Variants in ARID4B observed in about 807,000 individuals in gnomAD.
ARID4B encodes AT-rich interaction domain 4B, also known as AT-rich interactive domain-containing protein 4B.
Under a neutral mutation model 147.5 loss-of-function variants are expected in ARID4B, and 26 were observed. The ratio of observed to expected loss-of-function variants is 0.18; its 90% CI spans 0.13 to 0.24. ARID4B has a LOEUF of 0.24. Among genes scored for constraint, ARID4B ranks in the 10% least tolerant of loss-of-function variants. ARID4B has a pLI of 1.00. For missense variants in ARID4B, 1,179 were observed against 1,511.5 expected (o/e 0.78, Z 3.65); for synonymous variants, 512 against 507.9 (o/e 1.01, Z -0.11).
intron 2 of ARID4B, among the ~76,000 whole-genome samples, chr1:235,308,745 G>A (rs1351923698): frequency 1.4e-4 from 21 of 152,182 alleles, no homozygotes; most frequent in Non-Finnish European, 8.8e-5. Context: ...CCGAGGTGCC[G>A]GGATTGCAGA....
rs571952875 is a variant in ARID4B, at chr1:235,274,467, A to G, written c.7-13715T>C. 2.6e-5 allele frequency among the ~76,000 whole-genome samples: 4 copies of G among 152,316 alleles called. No individual in the cohort carries two copies. The East Asian group carries it at 7.7e-4, about 29-fold the overall frequency. On this transcript the variant is annotated intron_variant, in intron 2 of 23. Transcript: ENST00000264183. ...TAGTTCTCTGCTATCCAGATGTACA[A>G]ATGACCCAGAAAATGTTTATATTAA...
chr1:235,211,862 A>C (rs567949915), intron 17 of ARID4B, among the ~76,000 whole-genome samples: 1 of 152,344 alleles, frequency 6.6e-6, no homozygotes, highest in South Asian at 2.1e-4. Context: ...GAAGTAAAAA[A>C]TTGGGCAAAA....
chr1:235,311,673 C>G (rs1225541334), intron 2 of ARID4B, among the ~76,000 whole-genome samples: 1 of 151,756 alleles, frequency 6.6e-6, no homozygotes, highest in African/African-American at 2.4e-5. Context: ...ACTTGGGAGG[C>G]AGAAACATGA....
intron 12 of ARID4B, 138 bp from the exon 13 acceptor site, chr1:235,223,398 T>TATACACACAC (rs1667623618): frequency 2.6e-5 from 5 of 191,400 alleles, no homozygotes; most frequent in African/African-American, 8.7e-5. Context: ...TATATATATG[T>TATACACACAC]GTGTGTATAT....
chr1:235,170,380 T>G (rs1295765210), intron 23 of ARID4B, among the ~76,000 whole-genome samples: 2 of 152,222 alleles, frequency 1.3e-5, no homozygotes, highest in Non-Finnish European at 2.9e-5. Flanking sequence ...ACAGGAATTT[T>G]ATCTCTAGAA....
intron 7 of ARID4B, among the ~76,000 whole-genome samples, chr1:235,243,956 A>G (rs1299337534): frequency 6.6e-6 from 1 of 152,196 alleles, no homozygotes; most frequent in African/African-American, 2.4e-5. Flanking sequence ...GGAATTAGTG[A>G]TGATAGTTAC....
intron 5 of ARID4B, among the ~76,000 whole-genome samples, chr1:235,255,220 T>TATATATATAGATAGATAGAG (rs1264196304): frequency 1.6e-5 from 1 of 62,350 alleles, no homozygotes; most frequent in Non-Finnish European, 4.0e-5. Flanking sequence ...TGCTGGGAGC[T>TATATATATAGATAGATAGAG]AGATAGATAG....
intron 2 of ARID4B, among the ~76,000 whole-genome samples, chr1:235,268,653 C>G (rs1051208484): frequency 1.3e-5 from 2 of 152,150 alleles, no homozygotes; most frequent in Non-Finnish European, 2.9e-5. Context: ...CCCAGCCTCC[C>G]AAGTAGCTGG....
Position 235,317,699 on chromosome 1 carries a change from G to A in ARID4B, c.6+9215C>T, listed in dbSNP as rs138744135. 2.2e-3 allele frequency among the ~76,000 whole-genome samples: 340 copies of A among 152,064 alleles called. 1 individual carries two copies. The highest frequency in any genetic ancestry group is 7.8e-3 in the African/African-American group (325 of 41,472). ...TTTCTAAAAGCACATTATTTTCTAC[G>A]GAAACCTTGAATACCAGAGTTTCCT... On this transcript the variant is annotated intron_variant, in intron 2 of 23. Coordinates refer to ENST00000264183, the MANE Select transcript of ARID4B (RefSeq NM_016374.6).
chr1:235,256,119 A>G (rs534653049), intron 4 of ARID4B, among the ~76,000 whole-genome samples: 50 of 147,600 alleles, frequency 3.4e-4, no homozygotes, highest in African/African-American at 1.2e-3. Context: ...GGTTGCAGTG[A>G]GCCGAGATCG....
intron 6 of ARID4B, among the ~76,000 whole-genome samples, chr1:235,252,250 A>G (rs1177104835): frequency 6.6e-6 from 1 of 152,204 alleles, no homozygotes; most frequent in Non-Finnish European, 1.5e-5. Flanking sequence ...GTTAGGGAAT[A>G]AGACCTAAAT....
chr1:235,306,248 C>G (rs529669023), intron 2 of ARID4B, among the ~76,000 whole-genome samples: 8 of 152,022 alleles, frequency 5.3e-5, no homozygotes, highest in Non-Finnish European at 1.0e-4. Flanking sequence ...TGGCTGGGCA[C>G]GGTGGCTCAC....
chr1:235,168,744 T>A, intron 23 of ARID4B, 92 bp from the exon 24 acceptor site: 1 of 1,342,284 alleles, frequency 7.4e-7, no homozygotes, highest in Non-Finnish European at 1.0e-6. Context: ...AAAATTCCGC[T>A]ATATTGTCCA....
At chr1:235,174,197 G>A (rs866782542) in intron 22 of ARID4B, among the ~76,000 whole-genome samples, 6 of 151,802 alleles carry the variant, frequency 4.0e-5, no homozygotes, top group Admixed American at 3.3e-4. Flanking sequence ...GTGCCACCAC[G>A]CGCAGCTAAT....
chr1:235,289,309 C>T (rs1265790995), intron 2 of ARID4B, among the ~76,000 whole-genome samples: 1 of 152,092 alleles, frequency 6.6e-6, no homozygotes, highest in Admixed American at 6.6e-5. Context: ...CAAAAAAATA[C>T]ACAAAGCAAA....
At chr1:235,244,438 T>A (rs1445364523) in intron 7 of ARID4B, among the ~76,000 whole-genome samples, 12 of 152,002 alleles carry the variant, frequency 7.9e-5, no homozygotes, top group African/African-American at 2.9e-4. Context: ...AAGGAGAAAA[T>A]TCAATCCAGT....
rs780626753 is a variant in ARID4B at position 235,240,356 on chromosome 1, T to G, written c.542A>C (p.Tyr181Ser). Residue 181 changes from tyrosine to serine, a missense_variant, in exon 8 of 24, where the codon TAC becomes TCC. Physicochemically the swap from Tyr to Ser is moderately radical, Grantham distance 144 (BLOSUM62 -2). Around this residue, in one of 10 missense-constraint regions of ARID4B, gnomAD observed 159 missense variants for 190.5 expected, o/e 0.83. Coordinates refer to ENST00000264183, the MANE Select transcript of ARID4B (RefSeq NM_016374.6). ...TGCTTTCTTTTTATCCAAACTAATGTAATCTACACATACAACTTTGCCTAG... is the reference window on the plus strand; with the variant it reads ...TGCTTTCTTTTTATCCAAACTAATGGAATCTACACATACAACTTTGCCTAG... ...ELLGKVVCVDYISLDKKKALW... is the reference protein window; with the variant it reads ...ELLGKVVCVDSISLDKKKALW... 4.3e-6 allele frequency: 7 copies of G among 1,613,200 alleles called. No homozygotes were observed. The East Asian group carries it at 1.6e-4, about 36-fold the overall frequency.
intron 17 of ARID4B, among the ~76,000 whole-genome samples, chr1:235,207,567 G>A (rs964159757): frequency 2.0e-5 from 3 of 152,212 alleles, no homozygotes; most frequent in African/African-American, 7.2e-5. Flanking sequence ...ATTAACTGGG[G>A]TGAAGAGGTA....
At chr1:235,214,992 C>A (rs1666963023) in intron 16 of ARID4B, among the ~76,000 whole-genome samples, 2 of 152,092 alleles carry the variant, frequency 1.3e-5, no homozygotes, top group Middle Eastern at 3.4e-3. Flanking sequence ...CAGGCACCCA[C>A]CACCACACCC....
Sources: gnomAD v4.1 joint callset for allele counts (sites outside exome capture counted in the v4.1 genomes callset) on GRCh38, gnomAD v4.1.1 for gene constraint, gnomAD v4.1.1 regional missense constraint, MANE v1.5 for transcripts, NCBI Gene and HGNC (gene_info 2026-07-23, HGNC 2026-07-21) for gene names.